The following DNAH8 variants were observed in gnomAD, a reference collection of about 807,000 sequenced individuals.
DNAH8 encodes dynein axonemal heavy chain 8, also known as axonemal beta dynein heavy chain 8.
DNAH8 carries 382 observed loss-of-function variants against 562.1 expected under a neutral mutation model. The observed-to-expected ratio is 0.68, with a 90% CI of 0.63 to 0.74. DNAH8 has a LOEUF of 0.74. DNAH8 is among the 30% of genes least tolerant of loss of function. The probability of loss-of-function intolerance (pLI) is 0.00; values close to 1 mark genes in which losing one functional copy is unlikely to be tolerated. For missense variants in DNAH8, 5,203 were observed against 5,620.4 expected (o/e 0.93, Z 2.37); for synonymous variants, 1,881 against 1,919.4 (o/e 0.98, Z 0.52).
chr6:38,779,950 C>T lies in DNAH8; in HGVS notation c.2040-16C>T. 3 of 1,607,424 alleles carry T rather than the reference C, an allele frequency of 1.9e-6. No individual in the cohort carries two copies. Among genetic ancestry groups the T allele is most frequent in the Non-Finnish European group, 2.6e-6 (3 of 1,174,360 alleles). ...TCTCATTTACTTTTTAACCATTCAG[C>T]TTTGATTACTTTTAGGTTTCAGAAG... On this transcript the variant is annotated splice_polypyrimidine_tract_variant and intron_variant, in intron 14 of 92. Coordinates refer to ENST00000327475, the MANE Select transcript of DNAH8 (RefSeq NM_001206927.2).
chr6:38,789,805 T>C lies in DNAH8; in HGVS notation c.2586T>C (p.Gly862=). 1.2e-6 allele frequency: 2 copies of C among 1,604,946 alleles called. No individual in the cohort carries two copies. Among genetic ancestry groups the C allele is most frequent in the Non-Finnish European group, 1.7e-6 (2 of 1,175,502 alleles). The change falls in exon 19 of 93, where the codon GGT becomes GGC. Residue 862 remains glycine, a splice_region_variant and synonymous_variant. Coordinates refer to ENST00000327475, the MANE Select transcript of DNAH8 (RefSeq NM_001206927.2). ...CATGCCATTTCAACTTCCTACAGGG[T>C]CTTCTGCAATATTATGATGAGTTAT... ...KLKADKLYLQ[G]LLQYYDELCQ... is the part of the protein sequence containing the mutation.
At chr6:38,874,753 A>G (rs570138335) in intron 52 of DNAH8, among the ~76,000 whole-genome samples, 2 of 152,254 alleles carry the variant, frequency 1.3e-5, no homozygotes, top group African/African-American at 4.8e-5. Flanking sequence ...GGCTCTCCTA[A>G]TTCTGATCTA....
intron 50 of DNAH8, 22 bp from the exon 51 acceptor site, chr6:38,872,884 T>C (rs1464321789): frequency 1.9e-6 from 3 of 1,609,382 alleles, no homozygotes; most frequent in Non-Finnish European, 2.5e-6. Context: ...GAAAAGTGAT[T>C]TTCTGTTTTA....
intron 53 of DNAH8, 86 bp from the exon 54 acceptor site, chr6:38,882,824 T>C (rs1778604757): frequency 1.2e-6 from 1 of 863,220 alleles, no homozygotes. Context: ...TTCTATTGAT[T>C]GTTTATTGCA....
chr6:39,015,311 A>G (rs545221784), intron 91 of DNAH8, among the ~76,000 whole-genome samples: 40 of 152,256 alleles, frequency 2.6e-4, no homozygotes, highest in Non-Finnish European at 1.5e-5. Flanking sequence ...ATATGAACTG[A>G]TCTTTAATTG....
chr6:38,911,940 A>T (rs1281494124), intron 66 of DNAH8, among the ~76,000 whole-genome samples: 1 of 152,210 alleles, frequency 6.6e-6, no homozygotes, highest in Non-Finnish European at 1.5e-5. Context: ...CTTGATTTGT[A>T]TAAACTTTGC....
chr6:38,882,876 G>T, intron 53 of DNAH8, 34 bp from the exon 54 acceptor site: 1 of 1,447,940 alleles, frequency 6.9e-7, no homozygotes, highest in Non-Finnish European at 9.2e-7. Flanking sequence ...ACAGAATATG[G>T]TTCTATTAAG....
At position 38,923,436 on chromosome 6, in the gene DNAH8, C is replaced by T. The variant is rs114617612; in HGVS notation, c.10790+251C>T. On this transcript the variant is annotated intron_variant, in intron 72 of 92. Coordinates refer to ENST00000327475, the MANE Select transcript of DNAH8 (RefSeq NM_001206927.2). Reference sequence around the variant, plus strand: ...TGATATTGTTTGGATTTGCCAGAGCCGTCTCCACTCCAGTTCTCTATGCTT... The same window carrying T: ...TGATATTGTTTGGATTTGCCAGAGCTGTCTCCACTCCAGTTCTCTATGCTT... The T allele has an allele frequency of 4.9e-3, 1,658 of 338,098 alleles. 14 individuals carry two copies. Among genetic ancestry groups the T allele is most frequent in the Non-Finnish European group, 6.9e-3 (1,272 of 184,110 alleles). 20.9% of individuals were successfully genotyped at this position (338,098 alleles called of 1,614,324 possible).
At position 38,826,393 on chromosome 6, in the gene DNAH8, T is replaced by C. The variant is rs1323052044; in HGVS notation, c.4083+2T>C. 1 of 1,563,700 alleles carries C rather than the reference T, an allele frequency of 6.4e-7. No individual in the cohort carries two copies. Among genetic ancestry groups the C allele is most frequent in the Admixed American group, 2.0e-5 (1 of 51,224 alleles). ...GACATGACTTTGGGACCAATTGAAG[T>C]AAGAAATGATTGCATTTTTTTTTCT... On this transcript the variant is annotated splice_donor_variant, in intron 29 of 92. Transcript: ENST00000327475. LOFTEE classifies it high-confidence loss of function.
intron 21 of DNAH8, among the ~76,000 whole-genome samples, chr6:38,794,432 A>G (rs1177169487): frequency 6.6e-6 from 1 of 152,184 alleles, no homozygotes; most frequent in Non-Finnish European, 1.5e-5. Flanking sequence ...AGAAAAGTGC[A>G]CAAATTTTAA....
rs192097624 is a variant in DNAH8, at chr6:38,897,381, A to G, written c.8941-877A>G. 1.3e-3 allele frequency among the ~76,000 whole-genome samples: 194 copies of G among 152,318 alleles called. 1 individual carries two copies. Among genetic ancestry groups the G allele is most frequent in the African/African-American group, 4.2e-3 (174 of 41,558 alleles). ...GGCCTTAAAGCCTGAAATATTTACT[A>G]TCTTGCCCTTTACAGAAAAAATTTA... On this transcript the variant is annotated intron_variant, in intron 60 of 92. Coordinates refer to ENST00000327475, the MANE Select transcript of DNAH8 (RefSeq NM_001206927.2).
At chr6:38,994,143 CTTATT>C (rs1250705297) in intron 88 of DNAH8, among the ~76,000 whole-genome samples, 1 of 152,154 alleles carries the variant, frequency 6.6e-6, no homozygotes, top group Admixed American at 6.5e-5. Flanking sequence ...GTTCACTTCT[CTTATT>C]TTGAGTGAAA....
At chr6:38,786,619 C>T (rs1010081512) in intron 17 of DNAH8, 146 bp from the exon 18 acceptor site, 51 of 698,998 alleles carry the variant, frequency 7.3e-5, no homozygotes, top group South Asian at 5.5e-4. Context: ...ATGTGCCAGA[C>T]GCTGTGCCTT....
intron 31 of DNAH8, among the ~76,000 whole-genome samples, chr6:38,833,872 T>C (rs533819477): frequency 2.0e-5 from 3 of 152,342 alleles, no homozygotes; most frequent in Admixed American, 2.0e-4. Context: ...ATTTAGTATA[T>C]CTATCATATC....
intron 85 of DNAH8, among the ~76,000 whole-genome samples, chr6:38,979,052 T>C (rs1763866862): frequency 6.6e-6 from 1 of 152,256 alleles, no homozygotes; most frequent in South Asian, 2.1e-4. Flanking sequence ...AGCCCGCTAC[T>C]GCAGTAGAAC....
intron 88 of DNAH8, among the ~76,000 whole-genome samples, chr6:38,994,046 T>C (rs1764968158): frequency 7.4e-6 from 1 of 134,406 alleles, no homozygotes; most frequent in African/African-American, 2.6e-5. Flanking sequence ...GTGCCCATTT[T>C]TTCAGAATCT....
At position 38,931,997 on chromosome 6, in the gene DNAH8, A is replaced by ATC. The variant is rs745611444; in HGVS notation, c.11457+13_11457+14dup. 2.8e-4 allele frequency: 437 copies of ATC among 1,553,632 alleles called. 1 individual carries two copies. Among genetic ancestry groups the ATC allele is most frequent in the Non-Finnish European group, 3.6e-4 (410 of 1,150,452 alleles). On this transcript the variant is annotated splice_donor_region_variant and intron_variant, in intron 76 of 92. Transcript: ENST00000327475. ...AGTCATTCTAACAGAGAAACAGGTA[A>ATC]TCTCTCTCTCAAGGTAAAGAATTTC...
chr6:38,938,002 T>A lies in DNAH8; in HGVS notation c.11592T>A (p.Ile3864=). The A allele has an allele frequency of 6.2e-7, 1 of 1,614,034 alleles. No homozygotes were observed. Among genetic ancestry groups the A allele is most frequent in the Non-Finnish European group, 8.5e-7 (1 of 1,179,994 alleles). Residue 3864 remains isoleucine, a synonymous_variant, in exon 78 of 93, where the codon ATT becomes ATA. Coordinates refer to ENST00000327475, the MANE Select transcript of DNAH8 (RefSeq NM_001206927.2). ...KGSLVDDESL[I]GVLRTTKQTA... The stretch of plus-strand genomic sequence containing the variant: ...CATTGGTAGATGACGAATCTCTCAT[T>A]GGTGTACTTCGAACTACCAAGCAGA...
In DNAH8 at chr6:38,874,068, T is replaced by TTTTCTTTCTTTCTTTC. The variant is rs1554124175; in HGVS notation, c.7620+706_7620+721dup. The stretch of plus-strand genomic sequence containing the variant: ...TTTCTTTCTTTCTTTCTTTCTTTCT[T>TTTTCTTTCTTTCTTTC]TTTCTTTCTTTCTTTCTTTCTTTCT... On this transcript the variant is annotated intron_variant, in intron 52 of 92. Coordinates refer to ENST00000327475, the MANE Select transcript of DNAH8 (RefSeq NM_001206927.2). Among the ~76,000 whole-genome samples the TTTTCTTTCTTTCTTTC allele has an allele frequency of 2.9e-3, 163 of 57,074 alleles. 13 individuals carry two copies. Among genetic ancestry groups the TTTTCTTTCTTTCTTTC allele is most frequent in the African/African-American group, 7.5e-3 (118 of 15,636 alleles). The allele number at this position is 57,074 out of a possible 152,430, so 37.4% of individuals were successfully genotyped here. A position where few individuals can be genotyped will look rare whatever the true frequency, so the allele number is the denominator to read the frequency against.
Sources: allele counts gnomAD v4.1 joint callset (sites outside exome capture counted in the v4.1 genomes callset), GRCh38; gene constraint gnomAD v4.1.1; transcripts MANE v1.5; gene names NCBI Gene and HGNC (gene_info 2026-07-23, HGNC 2026-07-21).